Variants in SOX5 observed in about 807,000 individuals in gnomAD.
SOX5 encodes transcription factor SOX-5.
In SOX5, 9 loss-of-function variants were observed where a neutral mutation model predicts 92.0. That is an observed-to-expected ratio of 0.10 (90% CI 0.06 to 0.17). The LOEUF (loss-of-function observed/expected upper bound fraction) is 0.17, where lower values mean the gene tolerates loss of function less well. Among genes scored for constraint, SOX5 ranks in the 10% least tolerant of loss-of-function variants. The pLI is 1.00. For synonymous variants in SOX5, 344 were observed against 336.3 expected (o/e 1.02, Z -0.25); for missense variants, 642 against 944.5 (o/e 0.68, Z 4.20).
intron 6 of SOX5, among the ~76,000 whole-genome samples, chr12:23,675,215 G>C (rs953559725): frequency 1.3e-5 from 2 of 152,154 alleles, no homozygotes; most frequent in African/African-American, 2.4e-5. Flanking sequence ...TCTGTGCAAT[G>C]AGCTTTTGAT....
At chr12:24,171,207 AG>A (rs1954073961) in intron 4 of SOX5, among the ~76,000 whole-genome samples, 7 of 55,330 alleles carry the variant, frequency 1.3e-4, no homozygotes, top group African/African-American at 1.6e-4. Context: ...ATTGGCCAAC[AG>A]TTTTTTTTGT....
At chr12:23,634,264 G>A (rs1256521804) in intron 8 of SOX5, among the ~76,000 whole-genome samples, 1 of 152,026 alleles carries the variant, frequency 6.6e-6, no homozygotes, top group African/African-American at 2.4e-5. Context: ...GGAAAAGAAA[G>A]ACAATAAATA....
intron 1 of SOX5, among the ~76,000 whole-genome samples, chr12:24,384,119 G>A (rs1342894677): frequency 6.6e-6 from 1 of 152,184 alleles, no homozygotes; most frequent in African/African-American, 2.4e-5. Flanking sequence ...GCAGAGCTAT[G>A]AGTCAATTGA....
intron 4 of SOX5, among the ~76,000 whole-genome samples, chr12:23,750,169 A>G (rs983778145): frequency 2.0e-5 from 3 of 151,910 alleles, no homozygotes; most frequent in African/African-American, 7.2e-5. Flanking sequence ...GTGAGAAGTT[A>G]AGTTCAAATT....
intron 1 of SOX5, among the ~76,000 whole-genome samples, chr12:24,555,870 G>A (rs1406362068): frequency 3.3e-5 from 5 of 152,180 alleles, no homozygotes; most frequent in South Asian, 2.1e-4. Flanking sequence ...CTCCTGTTTT[G>A]AGAGTGTAAC....
intron 1 of SOX5, among the ~76,000 whole-genome samples, chr12:24,551,768 C>T (rs1220370543): frequency 6.6e-6 from 1 of 152,284 alleles, no homozygotes; most frequent in Admixed American, 6.5e-5. Context: ...TAATTAAAAC[C>T]CTGTCCTCGT....
intron 3 of SOX5, among the ~76,000 whole-genome samples, chr12:23,761,607 G>A (rs1284004262): frequency 6.6e-6 from 1 of 152,038 alleles, no homozygotes; most frequent in East Asian, 1.9e-4. Flanking sequence ...CTATATAAAG[G>A]CAGAACTTGC....
At chr12:24,352,806 C>CCCTTGG (rs1954258102) in intron 2 of SOX5, among the ~76,000 whole-genome samples, 1 of 152,168 alleles carries the variant, frequency 6.6e-6, no homozygotes, top group East Asian at 1.9e-4. Context: ...AAACAGCTGC[C>CCCTTGG]CCTTGGCCAT....
intron 3 of SOX5, among the ~76,000 whole-genome samples, chr12:24,213,921 C>G (rs1270261771): frequency 6.6e-6 from 1 of 151,588 alleles, no homozygotes; most frequent in African/African-American, 2.4e-5. Flanking sequence ...ACAATTACAA[C>G]CATTTTTTAT....
At chr12:24,355,411 C>T in intron 2 of SOX5, among the ~76,000 whole-genome samples, 1 of 147,828 alleles carries the variant, frequency 6.8e-6, no homozygotes, top group Non-Finnish European at 1.5e-5. Context: ...AGGTTCACAC[C>T]ATTCTCCTGC....
At chr12:24,099,800 C>T (rs183137250) in intron 4 of SOX5, among the ~76,000 whole-genome samples, 1 of 152,172 alleles carries the variant, frequency 6.6e-6, no homozygotes, top group Non-Finnish European at 1.5e-5. Context: ...AGGCTTCCTC[C>T]TCCCTACACT....
At chr12:24,499,186 G>A (rs1947937062) in intron 1 of SOX5, among the ~76,000 whole-genome samples, 1 of 152,194 alleles carries the variant, frequency 6.6e-6, no homozygotes, top group Non-Finnish European at 1.5e-5. Context: ...TCCTCAGTCA[G>A]AGGGCATGGC....
At chr12:23,540,607 T>C (rs1159226949) in intron 13 of SOX5, among the ~76,000 whole-genome samples, 2 of 152,090 alleles carry the variant, frequency 1.3e-5, no homozygotes, top group African/African-American at 4.8e-5. Context: ...ATTTGCACAT[T>C]TTACTCCAAC....
At chr12:24,263,471 C>T (rs1317373429) in intron 3 of SOX5, among the ~76,000 whole-genome samples, 4 of 126,240 alleles carry the variant, frequency 3.2e-5, no homozygotes, top group Non-Finnish European at 6.3e-5. Context: ...GAGCTTGCAG[C>T]GAACCGAGGC....
chr12:23,949,782 C>T, upstream of SOX5: 2 of 578,504 alleles, frequency 3.5e-6, no homozygotes, highest in Admixed American at 4.0e-5. Flanking sequence ...CTCTCTCTCT[C>T]TCTCTCTCTC....
intron 4 of SOX5, 91 bp downstream of exon 4, chr12:23,755,547 G>A: frequency 2.3e-6 from 2 of 880,382 alleles, no homozygotes; most frequent in Non-Finnish European, 3.6e-6. Flanking sequence ...AGCAGAAGAG[G>A]TGAGGGCAGA....
At chr12:24,238,309 G>C (rs890124925) in intron 3 of SOX5, among the ~76,000 whole-genome samples, 1 of 152,162 alleles carries the variant, frequency 6.6e-6, no homozygotes, top group African/African-American at 2.4e-5. Context: ...GCAGAACTAA[G>C]ACTCATCTAT....
At chr12:23,613,190 T>G (rs144980691) in intron 8 of SOX5, among the ~76,000 whole-genome samples, 287 of 152,164 alleles carry the variant, frequency 1.9e-3, no homozygotes, top group East Asian at 5.2e-3. Flanking sequence ...GTATAAAAAT[T>G]TATAATTCAT....
chr12:23,890,058 G>A (rs968647206), intron 2 of SOX5, among the ~76,000 whole-genome samples: 4 of 152,098 alleles, frequency 2.6e-5, no homozygotes, highest in Non-Finnish European at 2.9e-5. Context: ...GGTGGCTCAC[G>A]CCTGTAAACC....
Sources: gnomAD v4.1 joint callset for allele counts (sites outside exome capture counted in the v4.1 genomes callset) on GRCh38, gnomAD v4.1.1 for gene constraint, MANE v1.5 for transcripts, NCBI Gene and HGNC (gene_info 2026-07-23, HGNC 2026-07-21) for gene names.